Variants in RIMS3 observed in about 807,000 individuals in gnomAD.
RIMS3 encodes the protein regulating synaptic membrane exocytosis 3.
Under a neutral mutation model 29.2 loss-of-function variants are expected in RIMS3, and 15 were observed. The ratio of observed to expected loss-of-function variants is 0.51; its 90% CI spans 0.34 to 0.79. RIMS3 has a LOEUF of 0.79. Among genes scored for constraint, RIMS3 ranks in the 30% least tolerant of loss-of-function variants. The probability of loss-of-function intolerance (pLI) is 0.01; values close to 1 mark genes in which losing one functional copy is unlikely to be tolerated. For synonymous variants in RIMS3, 161 were observed against 170.1 expected, an observed-to-expected ratio of 0.95 and a Z score of 0.41; for missense variants, 342 against 421.4, an observed-to-expected ratio of 0.81 and a Z score of 1.65.
chr1:40,685,798 C>A, the RIMS3 span, among the ~76,000 whole-genome samples: 1 of 151,976 alleles, frequency 6.6e-6, no homozygotes, highest in South Asian at 2.1e-4. Context: ...ACCCTCCCAG[C>A]CTAGCCAATA....
At chr1:40,638,514 A>G (rs943142251) in intron 3 of RIMS3, among the ~76,000 whole-genome samples, 5 of 152,160 alleles carry the variant, frequency 3.3e-5, no homozygotes, top group Admixed American at 6.5e-5. Flanking sequence ...CCCATCACAA[A>G]CAAAGGAGGG....
chr1:40,675,077 A>G, the RIMS3 span, among the ~76,000 whole-genome samples: 1 of 152,172 alleles, frequency 6.6e-6, no homozygotes, highest in African/African-American at 2.4e-5. Context: ...CCTGGACAAC[A>G]GTGAGACTTT....
the RIMS3 span, among the ~76,000 whole-genome samples, chr1:40,673,691 T>C: frequency 5.3e-4 from 81 of 152,232 alleles, no homozygotes; most frequent in Non-Finnish European, 8.8e-4. Flanking sequence ...TGTCACCTCC[T>C]CCTGGAAGTC....
At chr1:40,626,842 G>A (rs934855743) in intron 7 of RIMS3, 113 bp from the exon 8 acceptor site, 13 of 904,856 alleles carry the variant, frequency 1.4e-5, no homozygotes, top group Non-Finnish European at 2.0e-5. Context: ...GAGGGAGCCA[G>A]AACTCAAGAC....
the RIMS3 span, chr1:40,691,712 C>T: frequency 1.8e-5 from 8 of 453,594 alleles, no homozygotes; most frequent in South Asian, 6.2e-5. Flanking sequence ...GTGCAAACGG[C>T]GTGGCCGCCA....
the RIMS3 span, chr1:40,692,003 C>T: frequency 2.2e-5 from 6 of 271,640 alleles, no homozygotes; most frequent in South Asian, 1.6e-4. Flanking sequence ...GTCCTGCCCG[C>T]CGCCATGTTG....
the RIMS3 span, among the ~76,000 whole-genome samples, chr1:40,688,026 G>A: frequency 6.6e-6 from 1 of 152,176 alleles, no homozygotes; most frequent in Non-Finnish European, 1.5e-5. Flanking sequence ...GTGCAATGGT[G>A]CGATCTCGGC....
intron 4 of RIMS3, among the ~76,000 whole-genome samples, chr1:40,633,722 G>T (rs754641921): frequency 6.6e-6 from 1 of 152,146 alleles, no homozygotes; most frequent in Non-Finnish European, 1.5e-5. Flanking sequence ...ACTGTGTGGG[G>T]GTCTAGAAAC....
At chr1:40,640,145 G>A (rs557110601) in intron 3 of RIMS3, among the ~76,000 whole-genome samples, 114 of 152,156 alleles carry the variant, frequency 7.5e-4, no homozygotes, top group African/African-American at 2.6e-3. Context: ...TGGTCCCCTG[G>A]AGCCAGACTC....
In RIMS3 at chr1:40,649,186, GACAC is replaced by G. The variant is rs5773699; in HGVS notation, c.-206-1348_-206-1345del. Among the ~76,000 whole-genome samples the G allele has an allele frequency of 1.6e-3, 248 of 150,890 alleles. 4 individuals are homozygous for G. Among genetic ancestry groups the G allele is most frequent in the African/African-American group, 5.0e-3 (208 of 41,238 alleles). On this transcript the variant is annotated intron_variant, in intron 1 of 7. Transcript: ENST00000372684. The stretch of plus-strand genomic sequence containing the variant: ...AGCCAGGCTGGCACGTGCATGCACA[GACAC>G]ACACACACACACACACGTGCACACA...
At chr1:40,645,171 C>T (rs556005932) in intron 2 of RIMS3, among the ~76,000 whole-genome samples, 18 of 152,174 alleles carry the variant, frequency 1.2e-4, no homozygotes, top group Non-Finnish European at 2.4e-4. Context: ...TGGACTGGGG[C>T]CTATGATGAT....
chr1:40,649,124 G>A (rs1321954195), intron 1 of RIMS3, among the ~76,000 whole-genome samples: 1 of 152,118 alleles, frequency 6.6e-6, no homozygotes, highest in Non-Finnish European at 1.5e-5. Flanking sequence ...CACAGCGGCG[G>A]CTCCTCTCCT....
At chr1:40,669,057 C>G (rs1054840766), upstream of RIMS3, 1 of 152,278 alleles carries the variant, frequency 6.6e-6, no homozygotes. Flanking sequence ...AGGCTGCTCA[C>G]CACTTCCCTC....
the RIMS3 span, among the ~76,000 whole-genome samples, chr1:40,671,853 C>T: frequency 6.6e-6 from 1 of 151,324 alleles, no homozygotes; most frequent in Non-Finnish European, 1.5e-5. Flanking sequence ...ACCTCCACCT[C>T]CCAGGTTCAA....
chr1:40,629,495 A>C, intron 5 of RIMS3, 123 bp from the exon 6 acceptor site: 16 of 843,506 alleles, frequency 1.9e-5, no homozygotes, highest in South Asian at 2.8e-5. Flanking sequence ...ACAAGATGGC[A>C]CCAACCACAT....
rs1646437696 is a variant in RIMS3, at chr1:40,624,022, TGTAG to T, written c.*2491_*2494del. ...CTGAGCAGTTTTGGCAGCCAGGGAC[TGTAG>T]GTAGGTCAGCCCAAGTTACCAGCAC... On this transcript the variant is annotated 3_prime_UTR_variant, in exon 8 of 8. Transcript: ENST00000372684. The T allele has an allele frequency of 6.6e-6, 1 of 152,384 alleles. No individual in the cohort carries two copies. The highest frequency in any genetic ancestry group is 1.9e-4 in the East Asian group (1 of 5,206). 9.4% of individuals were successfully genotyped at this position (152,384 alleles called of 1,614,324 possible). A position where few individuals can be genotyped will look rare whatever the true frequency, so the allele number is the denominator to read the frequency against.
At chr1:40,690,164 C>T in the RIMS3 span, among the ~76,000 whole-genome samples, 2 of 152,250 alleles carry the variant, frequency 1.3e-5, no homozygotes, top group African/African-American at 4.8e-5. Context: ...ACTTGTGCTG[C>T]TTCATTGTAA....
chr1:40,685,574 C>T, the RIMS3 span, among the ~76,000 whole-genome samples: 8 of 151,724 alleles, frequency 5.3e-5, no homozygotes, highest in African/African-American at 7.3e-5. Context: ...AGTCACCCAT[C>T]GGAAGAGTAT....
intron 5 of RIMS3, among the ~76,000 whole-genome samples, chr1:40,631,613 A>G (rs2148345088): frequency 6.6e-6 from 1 of 152,214 alleles, no homozygotes; most frequent in Middle Eastern, 3.4e-3. Flanking sequence ...TGGGAGGTGG[A>G]GGTTGCAGTG....
Sources: gnomAD v4.1 joint callset for allele counts (sites outside exome capture counted in the v4.1 genomes callset) on GRCh38, gnomAD v4.1.1 for gene constraint, MANE v1.5 for transcripts, NCBI Gene and HGNC (gene_info 2026-07-23, HGNC 2026-07-21) for gene names.